Variants in KLRC1 observed in about 807,000 individuals in gnomAD.
KLRC1 encodes NKG2-A/NKG2-B type II integral membrane protein.
KLRC1 carries 22 observed loss-of-function variants against 25.9 expected under a neutral mutation model. The ratio of observed to expected loss-of-function variants is 0.85; its 90% CI spans 0.61 to 1.21. The LOEUF is 1.21. Among genes scored for constraint, KLRC1 ranks in the 50% most tolerant of loss-of-function variants. The probability of loss-of-function intolerance (pLI) is 0.00; values close to 1 mark genes in which losing one functional copy is unlikely to be tolerated. For missense variants in KLRC1, 240 were observed against 272.2 expected, an observed-to-expected ratio of 0.88 and a Z score of 0.83; for synonymous variants, 77 against 93.1, an observed-to-expected ratio of 0.83 and a Z score of 0.99.
chr12:10,449,829 T>C, intron 4 of KLRC1, 85 bp downstream of exon 4: 2 of 1,140,420 alleles, frequency 1.8e-6, no homozygotes, highest in Non-Finnish European at 2.4e-6. Flanking sequence ...TTTATAATTT[T>C]TCACCCAAAA....
chr12:10,451,350 A>T (rs1361444642), intron 1 of KLRC1, 163 bp from the exon 2 acceptor site: 11 of 446,606 alleles, frequency 2.5e-5, no homozygotes, highest in East Asian at 1.1e-4. Flanking sequence ...TTTCTTATGA[A>T]TATTTGTTTT....
chr12:10,449,166 G>C, intron 5 of KLRC1, 71 bp downstream of exon 5: 3 of 1,589,364 alleles, frequency 1.9e-6, no homozygotes, highest in South Asian at 2.2e-5. Context: ...CACACATATG[G>C]ATGATTTCTA....
At position 10,446,650 on chromosome 12, in the gene KLRC1, T is replaced by C; in HGVS notation, c.603A>G (p.Ser201=). The change falls in exon 7 of 7, where the codon TCA becomes TCG. Residue 201 remains serine, a synonymous_variant. Coordinates refer to ENST00000359151, the MANE Select transcript of KLRC1 (RefSeq NM_002259.5). ...GLAFKHEIKD[S]DNAELNCAVL... Reference sequence around the variant, plus strand: ...CTGCACAGTTAAGTTCAGCATTATCTGAGTCTTTTATCCTGTAATGGAGAA... The same window carrying C: ...CTGCACAGTTAAGTTCAGCATTATCCGAGTCTTTTATCCTGTAATGGAGAA... 1 of 1,613,864 alleles carries C rather than the reference T, an allele frequency of 6.2e-7. No individual in the cohort carries two copies.
chr12:10,449,782 TTACTC>T (rs1864082241), intron 4 of KLRC1, 127 bp downstream of exon 4: 2 of 667,236 alleles, frequency 3.0e-6, no homozygotes, highest in Non-Finnish European at 4.6e-6. Context: ...AGTGAATGCC[TTACTC>T]TAATTTTATT....
rs906140322 is a variant in KLRC1 at position 10,450,045 on chromosome 12, T to A, written c.284-78A>T. ...AATAATTTTAAGTTTTTGTTTGAAT[T>A]TTTTTGTATTATTTAGAGTTAGAAT... On this transcript the variant is annotated intron_variant, in intron 3 of 6. Coordinates refer to ENST00000359151, the MANE Select transcript of KLRC1 (RefSeq NM_002259.5). 5.2e-6 allele frequency: 6 copies of A among 1,143,036 alleles called. No individual in the cohort carries two copies. In the Admixed American group the frequency reaches 1.1e-4, roughly 20 times the overall value. The allele number at this position is 1,143,036 out of a possible 1,614,324, so 70.8% of individuals were successfully genotyped here.
Position 10,453,337 on chromosome 12 carries a change from C to T in KLRC1, c.-171G>A, listed in dbSNP as rs74062026. 18,957 of 985,316 alleles carry T rather than the reference C, an allele frequency of 0.019. 1,362 individuals carry two copies. The South Asian group carries it at 0.22, about 11-fold the overall frequency. 61.0% of individuals were successfully genotyped at this position (985,316 alleles called of 1,614,324 possible). A position where few individuals can be genotyped will look rare whatever the true frequency, so the allele number is the denominator to read the frequency against. ...AAGAACAAACAATGCCTGCAATCTTCGCAGACTGCCCTGTGAAGGCTCAGA... is the reference window on the plus strand; with the variant it reads ...AAGAACAAACAATGCCTGCAATCTTTGCAGACTGCCCTGTGAAGGCTCAGA... On this transcript the variant is annotated 5_prime_UTR_variant, in exon 1 of 7. Transcript: ENST00000359151.
downstream of KLRC1, among the ~76,000 whole-genome samples, chr12:10,442,954 T>C (rs1863930104): frequency 1.2e-5 from 1 of 85,716 alleles, no homozygotes; most frequent in Admixed American, 1.1e-4. Flanking sequence ...ATTGAACTCA[T>C]GGAGAGAGAC....
At chr12:10,445,620 A>AT (rs1396176640), downstream of KLRC1, among the ~76,000 whole-genome samples, 3 of 152,172 alleles carry the variant, frequency 2.0e-5, no homozygotes, top group Non-Finnish European at 4.4e-5. Context: ...CATATAGATT[A>AT]AAAAAATAAA....
intron 5 of KLRC1, among the ~76,000 whole-genome samples, chr12:10,448,660 G>A (rs1864049603): frequency 6.6e-6 from 1 of 152,194 alleles, no homozygotes; most frequent in Non-Finnish European, 1.5e-5. Flanking sequence ...ACATACTACA[G>A]CAGTGAACAG....
downstream of KLRC1, among the ~76,000 whole-genome samples, chr12:10,443,359 TG>T (rs1863936006): frequency 7.1e-6 from 1 of 140,480 alleles, no homozygotes; most frequent in African/African-American, 2.7e-5. Context: ...ACATATACCA[TG>T]CCTCACAAAC....
At chr12:10,453,755 T>G (rs1864166196), upstream of KLRC1, among the ~76,000 whole-genome samples, 1 of 152,184 alleles carries the variant, frequency 6.6e-6, no homozygotes, top group South Asian at 2.1e-4. Flanking sequence ...CTACTGATTT[T>G]TTCCTTAATT....
chr12:10,450,119 G>GT (rs1441721706), intron 3 of KLRC1, 152 bp from the exon 4 acceptor site: 2 of 595,540 alleles, frequency 3.4e-6, no homozygotes, highest in Non-Finnish European at 5.1e-6. Context: ...AGTAATGGTG[G>GT]TTTTTTGGAA....
downstream of KLRC1, among the ~76,000 whole-genome samples, chr12:10,443,867 T>C (rs1863941959): frequency 7.2e-6 from 1 of 139,190 alleles, no homozygotes; most frequent in Non-Finnish European, 1.5e-5. Context: ...AAATAACATA[T>C]AAAGCCAGTT....
chr12:10,445,689 T>C (rs1370334118), downstream of KLRC1, among the ~76,000 whole-genome samples: 2 of 152,096 alleles, frequency 1.3e-5, no homozygotes, highest in African/African-American at 4.8e-5. Flanking sequence ...AATAAATCAA[T>C]AGTTGACATA....
chr12:10,452,462 T>C (rs1864146100), intron 1 of KLRC1, among the ~76,000 whole-genome samples: 1 of 152,304 alleles, frequency 6.6e-6, no homozygotes, highest in South Asian at 2.1e-4. Context: ...AATAACCCAG[T>C]TTGTTAATCT....
At chr12:10,444,802 CTTGATAT>C (rs1863954630), downstream of KLRC1, among the ~76,000 whole-genome samples, 1 of 151,890 alleles carries the variant, frequency 6.6e-6, no homozygotes, top group Non-Finnish European at 1.5e-5. Flanking sequence ...CCAAGATAGC[CTTGATAT>C]CAAAACCTTT....
intron 3 of KLRC1, 145 bp from the exon 4 acceptor site, chr12:10,450,112 A>G: frequency 1.5e-6 from 1 of 649,502 alleles, no homozygotes; most frequent in Non-Finnish European, 2.3e-6. Context: ...TTGATAAAGT[A>G]ATGGTGGTTT....
At chr12:10,454,679 C>G (rs941391664), upstream of KLRC1, 15 of 948,438 alleles carry the variant, frequency 1.6e-5, no homozygotes, top group African/African-American at 1.8e-5. Flanking sequence ...AAACTCCTCT[C>G]AACTGTGACC....
At position 10,451,111 on chromosome 12, in the gene KLRC1, T is replaced by A; in HGVS notation, c.46A>T (p.Asn16Tyr). 6.2e-7 allele frequency: 1 copy of A among 1,614,086 alleles called. No homozygotes were observed. ...VIYSDLNLPP[N>Y]PKRQQRKPKG... Reference sequence around the variant, plus strand: ...GGTTTTCGTTGCTGCCTCTTTGGGTTTGGGGGCAGATTCAGGTCTGAGTAG... The same window carrying A: ...GGTTTTCGTTGCTGCCTCTTTGGGTATGGGGGCAGATTCAGGTCTGAGTAG... The change falls in exon 2 of 7, where the codon AAC (asparagine) becomes TAC (tyrosine). Residue 16 changes from asparagine to tyrosine, a missense_variant. Physicochemically the swap from Asn to Tyr is moderately radical, Grantham distance 143 (BLOSUM62 -2). Transcript: ENST00000359151.
Sources: allele counts gnomAD v4.1 joint callset (sites outside exome capture counted in the v4.1 genomes callset), GRCh38; gene constraint gnomAD v4.1.1; transcripts MANE v1.5; gene names NCBI Gene and HGNC (gene_info 2026-07-23, HGNC 2026-07-21).